The following KCNMA1 variants were observed in gnomAD, a reference collection of about 807,000 sequenced individuals.
The protein encoded by KCNMA1 is potassium calcium-activated channel subfamily M alpha 1, also known as Calcium-activated potassium channel subunit alpha-1.
In KCNMA1, 29 loss-of-function variants were observed where a neutral mutation model predicts 140.0. That is an observed-to-expected ratio of 0.21 (90% CI 0.15 to 0.28). The LOEUF (loss-of-function observed/expected upper bound fraction) is 0.28, where lower values mean the gene tolerates loss of function less well. Among genes scored for constraint, KCNMA1 ranks in the 10% least tolerant of loss-of-function variants. The probability of loss-of-function intolerance (pLI) is 1.00; values close to 1 mark genes in which losing one functional copy is unlikely to be tolerated. For missense variants in KCNMA1, 880 were observed against 1,602.2 expected, an observed-to-expected ratio of 0.55 and a Z score of 7.70; for synonymous variants, 612 against 611.9, an observed-to-expected ratio of 1.00 and a Z score of 0.00.
At chr10:77,264,051 C>T (rs183789204) in intron 2 of KCNMA1, among the ~76,000 whole-genome samples, 45 of 152,154 alleles carry the variant, frequency 3.0e-4, no homozygotes, top group Non-Finnish European at 4.7e-4. Context: ...CACAAGATAG[C>T]ATCCCTCATG....
At chr10:77,202,890 G>C (rs546041062) in intron 3 of KCNMA1, among the ~76,000 whole-genome samples, 2 of 152,324 alleles carry the variant, frequency 1.3e-5, no homozygotes, top group African/African-American at 4.8e-5. Flanking sequence ...CATGTCAACA[G>C]TTTTTATCAT....
chr10:77,362,365 C>CCACACACACACACA (rs138917552), intron 2 of KCNMA1, among the ~76,000 whole-genome samples: 1 of 119,048 alleles, frequency 8.4e-6, no homozygotes, highest in Non-Finnish European at 1.7e-5. Flanking sequence ...CCCCCCCACC[C>CCACACACACACACA]CACACACACA....
intron 2 of KCNMA1, among the ~76,000 whole-genome samples, chr10:77,290,364 G>A (rs1285943946): frequency 2.0e-5 from 3 of 152,216 alleles, no homozygotes; most frequent in Non-Finnish European, 4.4e-5. Context: ...AGGGCATGGA[G>A]GATGTCATAG....
chr10:76,871,782 C>T (rs1377022518), exon 28 of KCNMA1: 5 of 152,218 alleles, frequency 3.3e-5, no homozygotes, highest in Non-Finnish European at 7.3e-5. Context: ...CCTTGTTGAA[C>T]CACTTCAAAC....
chr10:77,603,640 C>G (rs1019453487), intron 1 of KCNMA1, among the ~76,000 whole-genome samples: 2 of 152,060 alleles, frequency 1.3e-5, no homozygotes, highest in Non-Finnish European at 2.9e-5. Flanking sequence ...GTAAGTCAGG[C>G]GAGTTCACAC....
intron 2 of KCNMA1, among the ~76,000 whole-genome samples, chr10:77,290,821 C>T (rs1035449415): frequency 4.6e-5 from 7 of 152,116 alleles, no homozygotes; most frequent in South Asian, 2.1e-4. Context: ...TCTGTGTCAT[C>T]GTAAGCTTGA....
At chr10:77,196,946 G>C (rs1281651590) in intron 3 of KCNMA1, among the ~76,000 whole-genome samples, 2 of 151,828 alleles carry the variant, frequency 1.3e-5, no homozygotes, top group African/African-American at 2.4e-5. Flanking sequence ...TCCATTCTGA[G>C]AATACAAGAA....
At chr10:76,880,665 A>C (rs1312493849), downstream of KCNMA1, among the ~76,000 whole-genome samples, 1 of 152,210 alleles carries the variant, frequency 6.6e-6, no homozygotes, top group Non-Finnish European at 1.5e-5. Context: ...GACAATGATA[A>C]TTTGATGTAT....
At chr10:77,595,090 A>G (rs1231699941) in intron 1 of KCNMA1, among the ~76,000 whole-genome samples, 1 of 152,204 alleles carries the variant, frequency 6.6e-6, no homozygotes, top group East Asian at 1.9e-4. Context: ...TCACGCCCGT[A>G]ATCCCAGCAC....
At chr10:76,976,129 T>C (rs1320470588) in intron 19 of KCNMA1, among the ~76,000 whole-genome samples, 3 of 152,230 alleles carry the variant, frequency 2.0e-5, no homozygotes, top group African/African-American at 7.2e-5. Flanking sequence ...TCTATCGTTA[T>C]GCAGAATAAG....
chr10:76,905,330 G>T (rs1005466183), intron 25 of KCNMA1, among the ~76,000 whole-genome samples: 2 of 152,214 alleles, frequency 1.3e-5, no homozygotes, highest in African/African-American at 4.8e-5. Context: ...AATCAACTCA[G>T]TGATGAGCTC....
intron 2 of KCNMA1, among the ~76,000 whole-genome samples, chr10:77,320,997 C>T (rs1372554136): frequency 6.6e-6 from 1 of 152,190 alleles, no homozygotes; most frequent in African/African-American, 2.4e-5. Context: ...TCATTCACAT[C>T]CCCCATCAAA....
At chr10:77,338,121 C>T (rs2089810644) in intron 2 of KCNMA1, among the ~76,000 whole-genome samples, 3 of 152,218 alleles carry the variant, frequency 2.0e-5, no homozygotes, top group Admixed American at 6.5e-5. Context: ...GGTGAGTGAG[C>T]CTGAAGGCTC....
At chr10:77,513,579 G>A (rs2049206794) in intron 1 of KCNMA1, among the ~76,000 whole-genome samples, 2 of 152,172 alleles carry the variant, frequency 1.3e-5, no homozygotes, top group South Asian at 2.1e-4. Flanking sequence ...ATCAAAAAGA[G>A]CCAGCCAAAT....
chr10:77,012,086 C>T (rs201327498), intron 17 of KCNMA1, 43 bp from the exon 18 acceptor site: 4 of 1,612,052 alleles, frequency 2.5e-6, no homozygotes, highest in Middle Eastern at 1.7e-4. Flanking sequence ...TCATAATCCA[C>T]CCAAATGAAA....
At chr10:77,566,358 C>T (rs992814166) in intron 1 of KCNMA1, among the ~76,000 whole-genome samples, 27 of 152,208 alleles carry the variant, frequency 1.8e-4, no homozygotes, top group African/African-American at 6.0e-4. Flanking sequence ...AAGCACTTCT[C>T]GCCATGCGTG....
intron 3 of KCNMA1, among the ~76,000 whole-genome samples, chr10:77,193,831 G>C (rs1369719703): frequency 6.6e-6 from 1 of 152,178 alleles, no homozygotes; most frequent in Admixed American, 6.5e-5. Context: ...TGAGAATCTA[G>C]ACACAAATGC....
In KCNMA1 at chr10:77,225,321, A is replaced by C. The variant is rs142227512; in HGVS notation, c.602+25874T>G. On this transcript the variant is annotated intron_variant, in intron 3 of 27. Coordinates refer to ENST00000286628, the MANE Select transcript of KCNMA1 (RefSeq NM_001161352.2). ...TTTCCTCTTGGGCTTCAGTCTGGCC[A>C]TCTGTGTGTCTAAACAAAGGCAGGA... Among the ~76,000 whole-genome samples, 306 of 152,280 alleles carry C rather than the reference A, an allele frequency of 2.0e-3. 1 individual carries two copies. Among genetic ancestry groups the C allele is most frequent in the African/African-American group, 7.3e-3 (303 of 41,552 alleles).
chr10:76,957,604 AAGGT>A (rs1262241183), intron 20 of KCNMA1, among the ~76,000 whole-genome samples: 3 of 152,194 alleles, frequency 2.0e-5, no homozygotes, highest in Non-Finnish European at 4.4e-5. Context: ...TATGCATATA[AAGGT>A]TGGGCGAGCC....
Sources: allele counts gnomAD v4.1 joint callset (sites outside exome capture counted in the v4.1 genomes callset), GRCh38; gene constraint gnomAD v4.1.1; transcripts MANE v1.5; gene names NCBI Gene and HGNC (gene_info 2026-07-23, HGNC 2026-07-21).